Variants in ALPK2 observed in about 807,000 individuals in gnomAD.
The protein encoded by ALPK2 is alpha-protein kinase 2.
In ALPK2, 127 loss-of-function variants were observed where a neutral mutation model predicts 163.1. That is an observed-to-expected ratio of 0.78 (90% CI 0.67 to 0.90). The LOEUF is 0.90. ALPK2 is among the 40% of genes least tolerant of loss of function. ALPK2 has a pLI of 0.00. For synonymous variants in ALPK2, 953 were observed against 959.1 expected (o/e 0.99, Z 0.12); for missense variants, 2,360 against 2,589.6 (o/e 0.91, Z 1.92).
intron 3 of ALPK2, among the ~76,000 whole-genome samples, chr18:58,599,367 G>A (rs1246644919): frequency 1.2e-4 from 19 of 152,156 alleles, no homozygotes; most frequent in Admixed American, 1.2e-3. Context: ...AGAATGCCAC[G>A]GGAACCTGCC....
chr18:58,535,003 C>T lies in ALPK2; in HGVS notation c.5184G>A (p.Lys1728=). 1 of 1,614,136 alleles carries T rather than the reference C, an allele frequency of 6.2e-7. No homozygotes were observed. Residue 1728 remains lysine, a synonymous_variant, in exon 5 of 13, where the codon AAG becomes AAA. Coordinates refer to ENST00000361673, the MANE Select transcript of ALPK2 (RefSeq NM_052947.4). ...CTGCCACCCTGGACAAAATTTTCTTCTTTACTCCCTCAGCTAAATGTCCAC... is the reference window on the plus strand; with the variant it reads ...CTGCCACCCTGGACAAAATTTTCTTTTTTACTCCCTCAGCTAAATGTCCAC... ...PGSGHLAEGV[K]KKILSRVAAL... is the part of the protein sequence containing the mutation.
chr18:58,564,123 C>CTTTTTTTTTTTTTTTTTTTTTTTTTTT lies in ALPK2; in HGVS notation c.1962+14690_1962+14691insAAAAAAAAAAAAAAAAAAAAAAAAAAA, dbSNP rs10689097. ...GAATTGCGTATTTGATGTCTTTGTTCTTTTTTTTTTTTTTTTGAGATGGAG... is the reference window on the plus strand; with the variant it reads ...GAATTGCGTATTTGATGTCTTTGTTCTTTTTTTTTTTTTTTTTTTTTTTTTTTTTTTTTTTTTTTTTTTGAGATGGAG... On this transcript the variant is annotated intron_variant, in intron 4 of 12. Coordinates refer to ENST00000361673, the MANE Select transcript of ALPK2 (RefSeq NM_052947.4). Among the ~76,000 whole-genome samples, 22 of 102,450 alleles carry CTTTTTTTTTTTTTTTTTTTTTTTTTTT rather than the reference C, an allele frequency of 2.1e-4. 5 individuals carry two copies. The highest frequency in any genetic ancestry group is 8.7e-4 in the African/African-American group (21 of 24,188). The allele number at this position is 102,450 out of a possible 152,430, so 67.2% of individuals were successfully genotyped here.
At chr18:58,497,928 A>G (rs1444095613) in intron 12 of ALPK2, 121 bp downstream of exon 12, 1 of 840,266 alleles carries the variant, frequency 1.2e-6, no homozygotes, top group African/African-American at 1.7e-5. Context: ...TTCCAAGAAC[A>G]TTCGTCATCC....
intron 2 of ALPK2, among the ~76,000 whole-genome samples, chr18:58,609,944 A>G (rs969087630): frequency 2.0e-5 from 3 of 152,126 alleles, no homozygotes; most frequent in Non-Finnish European, 2.9e-5. Flanking sequence ...GGGCTTGGAG[A>G]GGCTGAGCGC....
chr18:58,486,944 G>C (rs2051341836), intron 12 of ALPK2, among the ~76,000 whole-genome samples: 1 of 152,212 alleles, frequency 6.6e-6, no homozygotes, highest in South Asian at 2.1e-4. Flanking sequence ...AGGTTTCCCT[G>C]CTAGTGACCC....
chr18:58,585,503 T>C (rs1326568396), intron 3 of ALPK2, among the ~76,000 whole-genome samples: 1 of 152,172 alleles, frequency 6.6e-6, no homozygotes, highest in Admixed American at 6.5e-5. Context: ...TTAATATATG[T>C]AGAAAAACTG....
At chr18:58,592,700 C>T (rs1368811854) in intron 3 of ALPK2, among the ~76,000 whole-genome samples, 2 of 152,106 alleles carry the variant, frequency 1.3e-5, no homozygotes, top group African/African-American at 4.8e-5. Context: ...CTTCTTCACC[C>T]GAGGACAATT....
chr18:58,492,970 C>T (rs2051382698), intron 12 of ALPK2, among the ~76,000 whole-genome samples: 1 of 152,158 alleles, frequency 6.6e-6, no homozygotes, highest in African/African-American at 2.4e-5. Flanking sequence ...CCACTGTTCC[C>T]TTCAGACTTC....
chr18:58,611,958 C>G (rs2052134518), intron 1 of ALPK2, 141 bp from the exon 2 acceptor site: 1 of 573,020 alleles, frequency 1.7e-6, no homozygotes, highest in East Asian at 3.0e-5. Context: ...CTTTGGGCAG[C>G]CTTTCCAGGC....
chr18:58,591,071 A>C (rs1002509119), intron 3 of ALPK2, among the ~76,000 whole-genome samples: 10 of 152,218 alleles, frequency 6.6e-5, no homozygotes, highest in Non-Finnish European at 1.5e-4. Context: ...CCAGAGGTCC[A>C]GTTTCTGCTC....
At chr18:58,531,796 G>C (rs1406199723) in intron 5 of ALPK2, among the ~76,000 whole-genome samples, 5 of 151,350 alleles carry the variant, frequency 3.3e-5, no homozygotes, top group Non-Finnish European at 7.4e-5. Context: ...AAATTAGCTG[G>C]GCATGGTGGT....
chr18:58,593,947 CAAAAA>C, intron 3 of ALPK2, among the ~76,000 whole-genome samples: 1 of 127,190 alleles, frequency 7.9e-6, no homozygotes. Context: ...TTCCCCCAAC[CAAAAA>C]AAAAAAAAAA....
At chr18:58,605,555 ATCCTGAGCAATGAAT>A (rs2052093817) in intron 3 of ALPK2, among the ~76,000 whole-genome samples, 1 of 152,196 alleles carries the variant, frequency 6.6e-6, no homozygotes, top group African/African-American at 2.4e-5. Flanking sequence ...CTTGTCATCA[ATCCTGAGCAATGAAT>A]AACCACCAAA....
intron 4 of ALPK2, among the ~76,000 whole-genome samples, chr18:58,551,108 T>C (rs1046623995): frequency 2.5e-5 from 3 of 118,264 alleles, no homozygotes; most frequent in Non-Finnish European, 5.2e-5. Flanking sequence ...GAAACAAAAA[T>C]GGAAAAAAAA....
At position 58,594,087 on chromosome 18, in the gene ALPK2, T is replaced by C. The variant is rs375128830; in HGVS notation, c.227+13235A>G. Among the ~76,000 whole-genome samples the C allele has an allele frequency of 8.1e-4, 123 of 152,156 alleles. 1 individual carries two copies. The highest frequency in any genetic ancestry group is 2.8e-3 in the African/African-American group (117 of 41,508). On this transcript the variant is annotated intron_variant, in intron 3 of 12. Coordinates refer to ENST00000361673, the MANE Select transcript of ALPK2 (RefSeq NM_052947.4). Reference sequence around the variant, plus strand: ...GAACTAAATAAATGGACATGGACTCTTGTACAATAGCGAACACGTCAGGGA... The same window carrying C: ...GAACTAAATAAATGGACATGGACTCCTGTACAATAGCGAACACGTCAGGGA...
Position 58,535,678 on chromosome 18 carries a change from T to G in ALPK2, c.4509A>C (p.Arg1503Ser), listed in dbSNP as rs1238066884. 1 of 1,614,266 alleles carries G rather than the reference T, an allele frequency of 6.2e-7. No individual in the cohort carries two copies. Among genetic ancestry groups the G allele is most frequent in the Non-Finnish European group, 8.5e-7 (1 of 1,180,038 alleles). The change falls in exon 5 of 13, where the codon AGA (arginine) becomes AGC (serine). Residue 1503 changes from arginine (R) to serine (S), a missense_variant. Coordinates refer to ENST00000361673, the MANE Select transcript of ALPK2 (RefSeq NM_052947.4). ...GGCCTATGCTACATCCACTTGGAAT[T>G]CTTTCACCGCCTTCGCTGGGTTGCA... ...QVLQPSEGGE[R>S]IPSGCSIGQI...
rs372053680 is a variant in ALPK2, at chr18:58,579,477, C to T, written c.1299G>A (p.Leu433=). 1 of 1,614,090 alleles carries T rather than the reference C, an allele frequency of 6.2e-7. No homozygotes were observed. The highest frequency in any genetic ancestry group is 8.5e-7 in the Non-Finnish European group (1 of 1,180,032). ...AAGACGTTCCATCCTGGTGAGGTCC[C>T]AAAATGAGAGTCATCCCTGTTTGTG... ...SSPQTGMTLI[L]GPHQDGTSSV... The change falls in exon 4 of 13, where the codon TTG becomes TTA. Residue 433 remains leucine (L), a synonymous_variant. Coordinates refer to ENST00000361673, the MANE Select transcript of ALPK2 (RefSeq NM_052947.4).
At chr18:58,523,053 A>G (rs1273419582) in intron 8 of ALPK2, among the ~76,000 whole-genome samples, 2 of 52,934 alleles carry the variant, frequency 3.8e-5, no homozygotes, top group African/African-American at 8.3e-5. Context: ...CCTAATGCTA[A>G]CCCTCCCCCC....
At position 58,536,657 on chromosome 18, in the gene ALPK2, G is replaced by A. The variant is rs752363368; in HGVS notation, c.3530C>T (p.Ala1177Val). 1 of 1,614,158 alleles carries A rather than the reference G, an allele frequency of 6.2e-7. No homozygotes were observed. ...RNLVPTAHSP[A>V]SSREGAGQRS... Reference sequence around the variant, plus strand: ...CTGCCCTGCTCCTTCCCTAGAGCTTGCGGGTGAGTGGGCCGTGGGCACCAA... The same window carrying A: ...CTGCCCTGCTCCTTCCCTAGAGCTTACGGGTGAGTGGGCCGTGGGCACCAA... The change falls in exon 5 of 13, where the codon GCA becomes GTA. Residue 1177 changes from alanine (A) to valine (V), a missense_variant. Ala to Val is a moderately conservative substitution (Grantham distance 64). Transcript: ENST00000361673.
Sources: gnomAD v4.1 joint callset for allele counts (sites outside exome capture counted in the v4.1 genomes callset) on GRCh38, gnomAD v4.1.1 for gene constraint, MANE v1.5 for transcripts, NCBI Gene and HGNC (gene_info 2026-07-23, HGNC 2026-07-21) for gene names.